The following BRCA2 variants were observed in gnomAD, a reference collection of about 807,000 sequenced individuals.
The protein encoded by BRCA2 is breast cancer type 2 susceptibility protein.
A neutral mutation model predicts 276.7 loss-of-function variants in BRCA2; 203 were observed. The ratio of observed to expected loss-of-function variants is 0.73; its 90% CI spans 0.65 to 0.82. The LOEUF is 0.82. Ranked by LOEUF, BRCA2 falls within the 40% of genes least tolerant of loss-of-function variation. The pLI is 0.00. For synonymous variants in BRCA2, 1,289 were observed against 1,338.4 expected (o/e 0.96, Z 0.81); for missense variants, 3,920 against 3,915.0 (o/e 1.00, Z -0.03).
In BRCA2 at chr13:32,326,131, A is replaced by C; in HGVS notation, c.456A>C (p.Thr152=). The C allele has an allele frequency of 6.2e-7, 1 of 1,609,780 alleles. No individual in the cohort carries two copies. Residue 152 remains threonine (T), a synonymous_variant, in exon 5 of 27, where the codon ACA becomes ACC. Coordinates refer to ENST00000380152, the MANE Select transcript of BRCA2 (RefSeq NM_000059.4). ...TTGTTCTACAATGTACACATGTAAC[A>C]CCACAAAGAGATAAGTCAGGTATGA... ...SPVVLQCTHV[T]PQRDKSVVCG...
rs80358950 is a variant in BRCA2, at chr13:32,355,085, A to C, written c.7232A>C (p.Lys2411Thr). 2.8e-5 allele frequency: 45 copies of C among 1,613,874 alleles called. 1 individual carries two copies. In the Middle Eastern group the frequency reaches 3.6e-3, roughly 130 times the overall value. The stretch of plus-strand genomic sequence containing the variant: ...ACCAAAGTCTTTGTTCCACCTTTTA[A>C]AACTAAATCACATTTTCACAGAGTT... Reference protein sequence around the residue: ...RPTKVFVPPFKTKSHFHRVEQ... With the variant: ...RPTKVFVPPFTTKSHFHRVEQ... The change falls in exon 14 of 27, where the codon AAA becomes ACA. Residue 2411 changes from lysine (K) to threonine (T), a missense_variant. This residue lies in a region of BRCA2 where 3,263 missense variants were observed against 3,156.9 expected (regional missense o/e 1.03). Transcript: ENST00000380152.
chr13:32,375,260 A>G, intron 20 of BRCA2: 1 of 346,544 alleles, frequency 2.9e-6, no homozygotes, highest in Non-Finnish European at 5.7e-6. Context: ...TTTAAGTTTT[A>G]TTGTGACATT....
chr13:32,378,330 C>T (rs1227548591), intron 21 of BRCA2, among the ~76,000 whole-genome samples: 1 of 152,154 alleles, frequency 6.6e-6, no homozygotes, highest in African/African-American at 2.4e-5. Context: ...CTTTAGGGTT[C>T]TAAGTGCCTA....
At chr13:32,389,068 T>A (rs974802675) in intron 24 of BRCA2, among the ~76,000 whole-genome samples, 3 of 152,170 alleles carry the variant, frequency 2.0e-5, no homozygotes, top group Admixed American at 6.5e-5. Context: ...GGCATTTTTG[T>A]ATTATTTTTG....
chr13:32,393,702 C>T (rs2073013549), intron 24 of BRCA2, among the ~76,000 whole-genome samples: 1 of 152,122 alleles, frequency 6.6e-6, no homozygotes, highest in Non-Finnish European at 1.5e-5. Flanking sequence ...AGGCTCATTA[C>T]TTTACTGTGG....
rs2073060917 is a variant in BRCA2, at chr13:32,399,012, C to T, written c.*242C>T. On this transcript the variant is annotated 3_prime_UTR_variant, in exon 27 of 27. Transcript: ENST00000380152. ...TAATTTATTAACTAATCAAGAAAAA[C>T]ATCTTTGGCTGAGCTCGGTGGCTCA... 4.2e-6 allele frequency: 2 copies of T among 470,636 alleles called. No individual in the cohort carries two copies. The highest frequency in any genetic ancestry group is 7.4e-6 in the Non-Finnish European group (2 of 271,128). The allele number at this position is 470,636 out of a possible 1,614,324, so 29.2% of individuals were successfully genotyped here.
intron 10 of BRCA2, among the ~76,000 whole-genome samples, chr13:32,335,659 T>C (rs2072442198): frequency 6.6e-6 from 1 of 152,186 alleles, no homozygotes; most frequent in South Asian, 2.1e-4. Flanking sequence ...CAATAAAAAT[T>C]ACTTTGAGTT....
intron 10 of BRCA2, among the ~76,000 whole-genome samples, chr13:32,334,070 G>T (rs1445700422): frequency 6.6e-6 from 1 of 152,192 alleles, no homozygotes; most frequent in Non-Finnish European, 1.5e-5. Context: ...GAATAGTGCT[G>T]CAGTGAATGT....
At chr13:32,385,110 G>T in intron 24 of BRCA2, 1 of 249,202 alleles carries the variant, frequency 4.0e-6, no homozygotes, top group East Asian at 8.3e-5. Flanking sequence ...GGGCCTTGCT[G>T]GAATGTGGAG....
chr13:32,350,117 G>T (rs2072637826), intron 13 of BRCA2, among the ~76,000 whole-genome samples: 2 of 152,064 alleles, frequency 1.3e-5, no homozygotes, highest in Non-Finnish European at 2.9e-5. Flanking sequence ...GTAGCTTGCA[G>T]TCAACAAGTT....
At chr13:32,331,176 T>C (rs1053428883) in intron 9 of BRCA2, 146 bp downstream of exon 9, 10 of 654,354 alleles carry the variant, frequency 1.5e-5, no homozygotes, top group Non-Finnish European at 2.7e-5. Context: ...CTGCCTCAGC[T>C]TGCCAAGTAG....
At position 32,354,843 on chromosome 13, in the gene BRCA2, AT is replaced by A. The variant is rs1064794191; in HGVS notation, c.7008-14del. Reference sequence around the variant, plus strand: ...TGTGTACTAGTCAATAAACTTATATATTTTCTCCCCATTGCAGCACAACTAA... The same window carrying A: ...TGTGTACTAGTCAATAAACTTATATATTTCTCCCCATTGCAGCACAACTAA... On this transcript the variant is annotated splice_polypyrimidine_tract_variant and intron_variant, in intron 13 of 26. Transcript: ENST00000380152. 6.7e-7 allele frequency: 1 copy of A among 1,484,300 alleles called. No homozygotes were observed. The allele number at this position is 1,484,300 out of a possible 1,614,324, so 91.9% of individuals were successfully genotyped here. A position where few individuals can be genotyped will look rare whatever the true frequency, so the allele number is the denominator to read the frequency against.
At position 32,340,088 on chromosome 13, in the gene BRCA2, T is replaced by C. The variant is rs367823201; in HGVS notation, c.5733T>C (p.Asp1911=). The C allele has an allele frequency of 3.1e-6, 5 of 1,613,912 alleles. No homozygotes were observed. The highest frequency in any genetic ancestry group is 2.5e-6 in the Non-Finnish European group (3 of 1,179,874). Residue 1911 remains aspartate (D), a synonymous_variant, in exon 11 of 27, where the codon GAT becomes GAC. Transcript: ENST00000380152. ...TTCTTCATAACTCTCTAGATAATGA[T>C]GAATGTAGCACGCATTCACATAAGG... is the stretch of plus-strand genomic sequence containing the variant. The part of the protein sequence containing the change: ...EDILHNSLDN[D]ECSTHSHKVF...
At chr13:32,369,959 T>C (rs1459501102) in intron 18 of BRCA2, among the ~76,000 whole-genome samples, 1 of 152,260 alleles carries the variant, frequency 6.6e-6, no homozygotes, top group Non-Finnish European at 1.5e-5. Flanking sequence ...CTTTTTGTAT[T>C]AGCCATAATC....
rs80358560 is a variant in BRCA2 at position 32,337,497 on chromosome 13, G to A, written c.3142G>A (p.Val1048Ile). Residue 1048 changes from valine (V) to isoleucine (I), a missense_variant, in exon 11 of 27, where the codon GTA becomes ATA. Around this residue, in one of 2 missense-constraint regions of BRCA2, gnomAD observed 3,263 missense variants for 3,156.9 expected, o/e 1.03. Coordinates refer to ENST00000380152, the MANE Select transcript of BRCA2 (RefSeq NM_000059.4). The part of the protein sequence containing the change: ...YPTSLACVEI[V>I]NTLALDNQKK... ...TACTAGTTTAGCTTGTGTTGAAATT[G>A]TAAATACCTTGGCATTAGATAATCA... is the stretch of plus-strand genomic sequence containing the variant. 1 of 1,608,838 alleles carries A rather than the reference G, an allele frequency of 6.2e-7. No individual in the cohort carries two copies.
intron 18 of BRCA2, among the ~76,000 whole-genome samples, chr13:32,369,957 A>AT (rs2072815978): frequency 1.3e-5 from 2 of 152,226 alleles, no homozygotes; most frequent in African/African-American, 4.8e-5. Context: ...TGCTTTTTGT[A>AT]TTAGCCATAA....
chr13:32,393,092 A>G (rs1287681673), intron 24 of BRCA2, among the ~76,000 whole-genome samples: 2 of 152,226 alleles, frequency 1.3e-5, no homozygotes, highest in Non-Finnish European at 2.9e-5. Context: ...TCAGTACATC[A>G]TATCAAGGGG....
chr13:32,362,433 G>A (rs1699113156), intron 16 of BRCA2, 90 bp from the exon 17 acceptor site: 3 of 1,243,216 alleles, frequency 2.4e-6, no homozygotes, highest in Middle Eastern at 2.1e-4. Flanking sequence ...CTTGAACAAT[G>A]TAGTTTTTGT....
At chr13:32,366,512 T>C (rs1037953204) in intron 18 of BRCA2, among the ~76,000 whole-genome samples, 1 of 152,094 alleles carries the variant, frequency 6.6e-6, no homozygotes, top group African/African-American at 2.4e-5. Flanking sequence ...GAACTCGAGA[T>C]CTATATTATC....
Sources: allele counts gnomAD v4.1 joint callset (sites outside exome capture counted in the v4.1 genomes callset), GRCh38; gene constraint gnomAD v4.1.1; regional missense constraint gnomAD v4.1.1; transcripts MANE v1.5; gene names NCBI Gene and HGNC (gene_info 2026-07-23, HGNC 2026-07-21).